MALL: variants seen among roughly 807,000 people sequenced by gnomAD.
MALL encodes the protein mal, T cell differentiation protein like, also known as MAL-like protein.
Under a neutral mutation model 10.3 loss-of-function variants are expected in MALL, and 2 were observed. That is an observed-to-expected ratio of 0.19 (90% CI 0.08 to 0.61). The LOEUF (loss-of-function observed/expected upper bound fraction) is 0.61, where lower values mean the gene tolerates loss of function less well. Ranked by LOEUF, MALL falls within the 20% of genes least tolerant of loss-of-function variation. MALL has a pLI of 0.88. For missense variants in MALL, 39 were observed against 115.2 expected (o/e 0.34, Z 3.03); for synonymous variants, 27 against 51.8 (o/e 0.52, Z 2.05).
chr2:110,105,458 G>C (rs1298571923), intron 1 of MALL, among the ~76,000 whole-genome samples: 1 of 152,208 alleles, frequency 6.6e-6, no homozygotes, highest in East Asian at 1.9e-4. Context: ...CGGGCACAGA[G>C]GTTGGTGGCT....
chr2:110,108,265 A>C (rs1264414314), intron 1 of MALL, among the ~76,000 whole-genome samples: 2 of 152,176 alleles, frequency 1.3e-5, no homozygotes, highest in Admixed American at 1.3e-4. Flanking sequence ...TGTGAAGCCC[A>C]ATGCAAAGGA....
intron 1 of MALL, among the ~76,000 whole-genome samples, chr2:110,099,675 T>G (rs1406654130): frequency 6.6e-6 from 1 of 152,154 alleles, no homozygotes; most frequent in Admixed American, 6.5e-5. Flanking sequence ...CGTTCCCTAC[T>G]AGGGATACAT....
At chr2:110,105,282 T>G (rs1220567223) in intron 1 of MALL, among the ~76,000 whole-genome samples, 3 of 152,188 alleles carry the variant, frequency 2.0e-5, no homozygotes, top group Non-Finnish European at 4.4e-5. Context: ...CCACAGGCAG[T>G]GTGGGGAGGT....
At chr2:110,100,489 A>G (rs6737486) in intron 1 of MALL, among the ~76,000 whole-genome samples, 117,870 of 151,746 alleles carry the variant, frequency 0.78, 49,781 homozygotes, top group Non-Finnish European at 0.93. Context: ...TAAAAAAAAA[A>G]AACTTAAGCA....
intron 1 of MALL, among the ~76,000 whole-genome samples, chr2:110,105,361 C>T (rs1574034812): frequency 6.6e-6 from 1 of 152,324 alleles, no homozygotes; most frequent in East Asian, 1.9e-4. Flanking sequence ...TTCCCCAGCC[C>T]AAGGCCTTCC....
intron 1 of MALL, among the ~76,000 whole-genome samples, chr2:110,107,166 C>T (rs1678715052): frequency 6.6e-6 from 1 of 152,058 alleles, no homozygotes. Context: ...GTGGTGATTC[C>T]CTGAATCTAC....
At chr2:110,097,095 C>CAAAAAAAAA (rs71405880) in intron 1 of MALL, among the ~76,000 whole-genome samples, 1 of 139,682 alleles carries the variant, frequency 7.2e-6, no homozygotes, top group African/African-American at 2.7e-5. Context: ...CAAAACAAAA[C>CAAAAAAAAA]AAAAAAAAAA....
chr2:110,109,221 TGTAA>T (rs1393314569), intron 1 of MALL, among the ~76,000 whole-genome samples: 1 of 152,138 alleles, frequency 6.6e-6, no homozygotes, highest in African/African-American at 2.4e-5. Context: ...TAACATTGAA[TGTAA>T]ATGGCCTAAA....
upstream of MALL, among the ~76,000 whole-genome samples, chr2:110,117,848 A>G (rs1255170207): frequency 6.6e-6 from 1 of 151,740 alleles, no homozygotes; most frequent in Non-Finnish European, 1.5e-5. Flanking sequence ...AAAAACAGAG[A>G]TTTTCTACAC....
At position 110,115,808 on chromosome 2, in the gene MALL, C is replaced by G. The variant is rs1678906808; in HGVS notation, c.-16G>C. ...GCGAGGCCATGCTGTCAGCCCCTGC[C>G]GGGTGCTCCGCGGCAGCTCGCCCGC... is the stretch of plus-strand genomic sequence containing the variant. On this transcript the variant is annotated 5_prime_UTR_variant, in exon 1 of 4. Transcript: ENST00000272462. 1.6e-6 allele frequency: 2 copies of G among 1,219,830 alleles called. No individual in the cohort carries two copies. The highest frequency in any genetic ancestry group is 2.1e-6 in the Non-Finnish European group (2 of 962,722). The allele number at this position is 1,219,830 out of a possible 1,614,324, so 75.6% of individuals were successfully genotyped here.
At chr2:110,098,388 C>T (rs1186159343) in intron 1 of MALL, among the ~76,000 whole-genome samples, 2 of 152,022 alleles carry the variant, frequency 1.3e-5, no homozygotes, top group African/African-American at 4.8e-5. Flanking sequence ...CCCCACTCTT[C>T]CCTCCCCGCA....
chr2:110,097,586 C>T (rs1323560503), intron 1 of MALL: 1 of 455,854 alleles, frequency 2.2e-6, no homozygotes, highest in Non-Finnish European at 4.4e-6. Context: ...GAGACAGACG[C>T]TGCCTGAGTA....
At chr2:110,102,193 G>A (rs1214577693) in intron 1 of MALL, among the ~76,000 whole-genome samples, 1 of 152,116 alleles carries the variant, frequency 6.6e-6, no homozygotes, top group African/African-American at 2.4e-5. Context: ...TAGGCACCGG[G>A]TCACTTAGTT....
intron 1 of MALL, among the ~76,000 whole-genome samples, chr2:110,098,182 T>A (rs1190841090): frequency 1.3e-5 from 2 of 151,624 alleles, no homozygotes; most frequent in Non-Finnish European, 2.9e-5. Flanking sequence ...CTCTCTTGCC[T>A]ACTAGATACC....
At chr2:110,103,048 A>G (rs556382528) in intron 1 of MALL, among the ~76,000 whole-genome samples, 48 of 152,304 alleles carry the variant, frequency 3.2e-4, no homozygotes, top group Admixed American at 2.6e-3. Flanking sequence ...CAAAGAATCC[A>G]GTCTTCTTTG....
At chr2:110,099,647 A>G (rs925615207) in intron 1 of MALL, among the ~76,000 whole-genome samples, 1 of 152,118 alleles carries the variant, frequency 6.6e-6, no homozygotes, top group Non-Finnish European at 1.5e-5. Flanking sequence ...GTCACTGCCC[A>G]TGCCATTAGG....
At chr2:110,104,188 G>GC (rs1464843699) in intron 1 of MALL, among the ~76,000 whole-genome samples, 2 of 152,116 alleles carry the variant, frequency 1.3e-5, no homozygotes, top group African/African-American at 2.4e-5. Flanking sequence ...CAGCATCGCT[G>GC]CCCCTCTGTC....
At chr2:110,105,116 G>A (rs1349295686) in intron 1 of MALL, among the ~76,000 whole-genome samples, 2 of 152,116 alleles carry the variant, frequency 1.3e-5, no homozygotes, top group East Asian at 1.9e-4. Context: ...ATGAAACTGC[G>A]GCTGAGAGTG....
intron 1 of MALL, among the ~76,000 whole-genome samples, chr2:110,113,358 A>G (rs1457142596): frequency 2.0e-5 from 3 of 149,890 alleles, no homozygotes; most frequent in African/African-American, 7.4e-5. Flanking sequence ...GAATGGCATG[A>G]ACCCGGGAGG....
Sources: gnomAD v4.1 joint callset for allele counts (sites outside exome capture counted in the v4.1 genomes callset) on GRCh38, gnomAD v4.1.1 for gene constraint, MANE v1.5 for transcripts, NCBI Gene and HGNC (gene_info 2026-07-23, HGNC 2026-07-21) for gene names.